KMT2C: variants seen among roughly 807,000 people sequenced by gnomAD.
KMT2C encodes the protein histone-lysine N-methyltransferase 2C.
KMT2C carries 88 observed loss-of-function variants against 507.9 expected under a neutral mutation model. The observed-to-expected ratio is 0.17, with a 90% CI of 0.15 to 0.21. The LOEUF (loss-of-function observed/expected upper bound fraction) is 0.21, where lower values mean the gene tolerates loss of function less well. Among genes scored for constraint, KMT2C ranks in the 10% least tolerant of loss-of-function variants. KMT2C has a pLI of 1.00. For synonymous variants in KMT2C, 2,049 were observed against 2,080.8 expected, an observed-to-expected ratio of 0.98 and a Z score of 0.42; for missense variants, 4,954 against 5,957.8, an observed-to-expected ratio of 0.83 and a Z score of 5.55.
intron 6 of KMT2C, among the ~76,000 whole-genome samples, chr7:152,292,553 T>C (rs754441024): frequency 6.6e-6 from 1 of 152,226 alleles, no homozygotes; most frequent in Non-Finnish European, 1.5e-5. Flanking sequence ...TCCTGTGTCA[T>C]AAAATATTAT....
chr7:152,229,551 A>G (rs2095043790), intron 18 of KMT2C, among the ~76,000 whole-genome samples: 1 of 152,198 alleles, frequency 6.6e-6, no homozygotes. Context: ...GAGGAGAGAG[A>G]ATGCGGGAAA....
chr7:152,262,512 A>G (rs2095796944), intron 9 of KMT2C, among the ~76,000 whole-genome samples: 1 of 152,248 alleles, frequency 6.6e-6, no homozygotes. Flanking sequence ...TAATGAGCTC[A>G]TCGGCATTTT....
rs10279439 is a variant in KMT2C at position 152,229,530 on chromosome 7, G to A, written c.2976+393C>T. 9.4e-3 allele frequency among the ~76,000 whole-genome samples: 1,435 copies of A among 152,194 alleles called. 25 individuals are homozygous for A. Among genetic ancestry groups the A allele is most frequent in the African/African-American group, 0.033 (1,378 of 41,534 alleles). ...AAGGAGAAAATGTCATTTTGTATAC[G>A]AGTGAGCATAGAGGAGAGAGAATGC... On this transcript the variant is annotated intron_variant, in intron 18 of 58. Transcript: ENST00000262189.
At chr7:152,424,045 A>C (rs7796615) in intron 1 of KMT2C, among the ~76,000 whole-genome samples, 15,112 of 152,246 alleles carry the variant, frequency 0.099, 1,746 homozygotes, top group African/African-American at 0.28. Flanking sequence ...GGTTAAGGAG[A>C]AACTTCATTT....
intron 43 of KMT2C, among the ~76,000 whole-genome samples, chr7:152,160,600 A>T (rs2092386663): frequency 6.7e-6 from 1 of 149,076 alleles, no homozygotes; most frequent in Admixed American, 6.7e-5. Context: ...AGTGGCAAGA[A>T]CCTAAAAATT....
rs2129120731 is a variant in KMT2C at position 152,182,185 on chromosome 7, G to A, written c.5675C>T (p.Pro1892Leu). The A allele has an allele frequency of 2.5e-6, 4 of 1,614,212 alleles. No homozygotes were observed. In the East Asian group the frequency reaches 8.9e-5, roughly 36 times the overall value. Residue 1892 changes from proline (P) to leucine (L), a missense_variant, in exon 36 of 59, where the codon CCA (proline) becomes CTA (leucine). Pro to Leu is a moderately conservative substitution (Grantham distance 98). Coordinates refer to ENST00000262189, the MANE Select transcript of KMT2C (RefSeq NM_170606.3). Reference sequence around the variant, plus strand: ...TTTTGCATATGGATCCATTGGAGATGGTGGTCGTGAGTTAGAGGACCCAGG... The same window carrying A: ...TTTTGCATATGGATCCATTGGAGATAGTGGTCGTGAGTTAGAGGACCCAGG... ...FSPGSSNSRP[P>L]SPMDPYAKMV...
rs551954847 is a variant in KMT2C at position 152,424,172 on chromosome 7, T to C, written c.161+11454A>G. ...TCACCCAGGCTGGGTGGGGTGCAGT[T>C]GCAGGATCATAGCTCACTGCAGCCT... On this transcript the variant is annotated intron_variant, in intron 1 of 58. Transcript: ENST00000262189. Among the ~76,000 whole-genome samples, 72 of 152,214 alleles carry C rather than the reference T, an allele frequency of 4.7e-4. 1 individual carries two copies. Among genetic ancestry groups the C allele is most frequent in the African/African-American group, 1.7e-3 (71 of 41,526 alleles).
At chr7:152,415,555 G>A (rs1316164627) in intron 1 of KMT2C, among the ~76,000 whole-genome samples, 4 of 151,994 alleles carry the variant, frequency 2.6e-5, no homozygotes, top group African/African-American at 7.2e-5. Context: ...GACAAAACAC[G>A]ACTGGGCAAT....
At chr7:152,216,626 G>A (rs529831450) in intron 23 of KMT2C, among the ~76,000 whole-genome samples, 30 of 152,206 alleles carry the variant, frequency 2.0e-4, no homozygotes, top group Non-Finnish European at 3.4e-4. Flanking sequence ...AGAGGAAAAC[G>A]TTTATATACT....
intron 2 of KMT2C, among the ~76,000 whole-genome samples, chr7:152,354,029 G>A (rs2097133881): frequency 6.6e-6 from 1 of 152,060 alleles, no homozygotes; most frequent in Non-Finnish European, 1.5e-5. Context: ...TGTTCTCCTT[G>A]CCCTATGTTC....
intron 31 of KMT2C, among the ~76,000 whole-genome samples, chr7:152,193,032 A>G (rs1451515712): frequency 2.0e-5 from 3 of 152,126 alleles, no homozygotes; most frequent in Non-Finnish European, 4.4e-5. Context: ...AAAATTAGCC[A>G]GGCATGATGG....
Position 152,435,810 on chromosome 7 carries a change from G to A in KMT2C, c.-24C>T, listed in dbSNP as rs2116822294. 5.9e-6 allele frequency: 8 copies of A among 1,357,418 alleles called. No individual in the cohort carries two copies. Among genetic ancestry groups the A allele is most frequent in the Non-Finnish European group, 7.6e-6 (8 of 1,049,498 alleles). 84.1% of individuals were successfully genotyped at this position (1,357,418 alleles called of 1,614,324 possible). The stretch of plus-strand genomic sequence containing the variant: ...ATCCTAGTCACCAGGAAAGACACAT[G>A]GATCCCGGTCCTCCTCCTGGGGGGC... On this transcript the variant is annotated 5_prime_UTR_variant, in exon 1 of 59. Transcript: ENST00000262189.
chr7:152,252,278 G>A (rs1213952528), intron 10 of KMT2C, among the ~76,000 whole-genome samples, 188 bp from the exon 11 acceptor site: 3 of 152,272 alleles, frequency 2.0e-5, no homozygotes, highest in South Asian at 2.1e-4. Flanking sequence ...AGATGCTGCC[G>A]TATTTTTACT....
intron 34 of KMT2C, among the ~76,000 whole-genome samples, chr7:152,184,806 C>T (rs1175699609): frequency 1.3e-5 from 2 of 152,170 alleles, no homozygotes; most frequent in African/African-American, 4.8e-5. Flanking sequence ...GCAGGGTGGT[C>T]TTGCTCTGTC....
chr7:152,298,411 CAT>C (rs1257630375), intron 6 of KMT2C, among the ~76,000 whole-genome samples: 2 of 152,126 alleles, frequency 1.3e-5, no homozygotes, highest in East Asian at 3.8e-4. Context: ...TATAAAAAGA[CAT>C]GTTACCTATA....
At chr7:152,364,324 C>T (rs2097219806) in intron 1 of KMT2C, among the ~76,000 whole-genome samples, 1 of 152,122 alleles carries the variant, frequency 6.6e-6, no homozygotes, top group African/African-American at 2.4e-5. Flanking sequence ...ATGTAAATTT[C>T]AGGCCGGGTG....
chr7:152,343,698 T>G (rs1193631272), intron 2 of KMT2C, among the ~76,000 whole-genome samples: 1 of 151,964 alleles, frequency 6.6e-6, no homozygotes, highest in Non-Finnish European at 1.5e-5. Context: ...AAAAAATACC[T>G]AAGGTAACAA....
intron 7 of KMT2C, among the ~76,000 whole-genome samples, chr7:152,272,514 G>GT (rs1486966520): frequency 3.3e-5 from 5 of 152,118 alleles, no homozygotes; most frequent in Non-Finnish European, 7.4e-5. Flanking sequence ...ATAACTGCCA[G>GT]TTTATGCACT....
chr7:152,328,047 T>C (rs1354395657), intron 3 of KMT2C, among the ~76,000 whole-genome samples: 1 of 151,706 alleles, frequency 6.6e-6, no homozygotes, highest in Non-Finnish European at 1.5e-5. Context: ...CACAGTGTGG[T>C]GAACAAAGCC....
Sources: allele counts gnomAD v4.1 joint callset (sites outside exome capture counted in the v4.1 genomes callset), GRCh38; gene constraint gnomAD v4.1.1; transcripts MANE v1.5; gene names NCBI Gene and HGNC (gene_info 2026-07-23, HGNC 2026-07-21).